The following DMXL1 variants were observed in gnomAD, a reference collection of about 807,000 sequenced individuals.
The protein encoded by DMXL1 is Dmx like 1, also known as dmX-like protein 1.
In DMXL1, 99 loss-of-function variants were observed where a neutral mutation model predicts 319.2. The ratio of observed to expected loss-of-function variants is 0.31; its 90% CI spans 0.26 to 0.37. The LOEUF (loss-of-function observed/expected upper bound fraction) is 0.37, where lower values mean the gene tolerates loss of function less well. DMXL1 is among the 10% of genes least tolerant of loss of function. The pLI is 1.00. For missense variants in DMXL1, 3,745 were observed against 3,595.6 expected (o/e 1.04, Z -1.06); for synonymous variants, 1,385 against 1,235.2 (o/e 1.12, Z -2.54).
Position 119,150,088 on chromosome 5 carries a change from T to G in DMXL1, c.4261T>G (p.Ser1421Ala), listed in dbSNP as rs375701163. The G allele has an allele frequency of 6.4e-5, 103 of 1,612,820 alleles. No individual in the cohort carries two copies. The highest frequency in any genetic ancestry group is 8.1e-5 in the Non-Finnish European group (96 of 1,179,350). Residue 1421 changes from serine to alanine, a missense_variant, in exon 18 of 44, where the codon TCA (serine) becomes GCA (alanine). Around this residue, in one of 4 missense-constraint regions of DMXL1, gnomAD observed 2,096 missense variants for 1,985.4 expected, o/e 1.06. Coordinates refer to ENST00000539542, the MANE Select transcript of DMXL1 (RefSeq NM_001290321.3). ...TGCAGCAGATGATGATAGCTGTTAC[T>G]CATCTTTGGAGAAATCTAGTAATGA... is the stretch of plus-strand genomic sequence containing the variant. ...LLAADDDSCY[S>A]SLEKSSNEST...
At chr5:119,164,465 T>A (rs1236495796) in intron 19 of DMXL1, 42 bp from the exon 20 acceptor site, 2 of 1,537,272 alleles carry the variant, frequency 1.3e-6, no homozygotes, top group Non-Finnish European at 1.8e-6. Context: ...CATATAAGCA[T>A]ATTTATAATT....
chr5:119,092,730 T>G (rs529888915), intron 1 of DMXL1, among the ~76,000 whole-genome samples: 2 of 152,334 alleles, frequency 1.3e-5, no homozygotes, highest in African/African-American at 4.8e-5. Flanking sequence ...ACCAACTGCC[T>G]TACTGACTCT....
At chr5:119,146,094 T>G (rs957209513) in intron 15 of DMXL1, among the ~76,000 whole-genome samples, 2 of 151,906 alleles carry the variant, frequency 1.3e-5, no homozygotes, top group Non-Finnish European at 3.0e-5. Context: ...TTAATTTTTT[T>G]GCTATGCAAA....
intron 19 of DMXL1, among the ~76,000 whole-genome samples, chr5:119,156,364 A>G (rs975193314): frequency 1.8e-4 from 27 of 152,250 alleles, no homozygotes; most frequent in African/African-American, 6.5e-4. Flanking sequence ...CATAGCTTGT[A>G]TATGCACTGG....
intron 7 of DMXL1, among the ~76,000 whole-genome samples, chr5:119,116,762 G>C (rs2149895098): frequency 6.6e-6 from 1 of 152,202 alleles, no homozygotes; most frequent in South Asian, 2.1e-4. Context: ...GATATATCAT[G>C]AGTTCTTGTA....
Position 119,249,004 on chromosome 5 carries a change from G to C in DMXL1, c.*1785G>C, listed in dbSNP as rs751384512. Reference sequence around the variant, plus strand: ...ACTATTATGCTTATTAGAACAAAAGGTGTTTAAGGATGAACTAAATATTTT... The same window carrying C: ...ACTATTATGCTTATTAGAACAAAAGCTGTTTAAGGATGAACTAAATATTTT... On this transcript the variant is annotated 3_prime_UTR_variant, in exon 44 of 44. Coordinates refer to ENST00000539542, the MANE Select transcript of DMXL1 (RefSeq NM_001290321.3). 1.3e-5 allele frequency: 2 copies of C among 152,474 alleles called. No homozygotes were observed. The highest frequency in any genetic ancestry group is 2.4e-5 in the African/African-American group (1 of 41,430). 9.4% of individuals were successfully genotyped at this position (152,474 alleles called of 1,614,324 possible). A position where few individuals can be genotyped will look rare whatever the true frequency, so the allele number is the denominator to read the frequency against.
chr5:119,172,097 T>C (rs556959820), intron 25 of DMXL1, 128 bp downstream of exon 25: 1 of 793,908 alleles, frequency 1.3e-6, no homozygotes, highest in East Asian at 2.9e-5. Context: ...CATTGCCAAG[T>C]TTATGTTGAT....
chr5:119,081,753 T>G (rs894328456), intron 1 of DMXL1: 31 of 981,916 alleles, frequency 3.2e-5, no homozygotes, highest in Non-Finnish European at 3.4e-5. Context: ...AGACTGTGCA[T>G]GGAGAATTTT....
rs960476648 is a variant in DMXL1 at position 119,206,897 on chromosome 5, G to A, written c.7926+1G>A. 2.8e-5 allele frequency: 42 copies of A among 1,507,534 alleles called. No homozygotes were observed. The highest frequency in any genetic ancestry group is 3.6e-5 in the Non-Finnish European group (41 of 1,124,708). The allele number at this position is 1,507,534 out of a possible 1,614,324, so 93.4% of individuals were successfully genotyped here. A position where few individuals can be genotyped will look rare whatever the true frequency, so the allele number is the denominator to read the frequency against. ...GATGGAGGAGCCAAACATCAATAAGGTACAAAATATCATTCAACTGAAATT... is the reference window on the plus strand; with the variant it reads ...GATGGAGGAGCCAAACATCAATAAGATACAAAATATCATTCAACTGAAATT... On this transcript the variant is annotated splice_donor_variant, in intron 34 of 43. Transcript: ENST00000539542. LOFTEE classifies it high-confidence loss of function.
intron 38 of DMXL1, among the ~76,000 whole-genome samples, chr5:119,225,760 T>A (rs1399719070): frequency 2.6e-5 from 4 of 152,102 alleles, no homozygotes; most frequent in African/African-American, 4.8e-5. Context: ...GCTAGAGGTA[T>A]AACATAATAT....
At chr5:119,115,825 A>C (rs1368104822) in intron 6 of DMXL1, among the ~76,000 whole-genome samples, 1 of 152,004 alleles carries the variant, frequency 6.6e-6, no homozygotes. Context: ...AGTGGTGTTG[A>C]TTACTTATTT....
At chr5:119,084,946 G>T (rs1342073336) in intron 1 of DMXL1, among the ~76,000 whole-genome samples, 4 of 151,828 alleles carry the variant, frequency 2.6e-5, no homozygotes, top group Admixed American at 6.6e-5. Context: ...CATGAGCATG[G>T]AATATCTTTC....
At chr5:119,107,996 C>T (rs1402827205) in intron 4 of DMXL1, among the ~76,000 whole-genome samples, 3 of 152,138 alleles carry the variant, frequency 2.0e-5, no homozygotes, top group Non-Finnish European at 4.4e-5. Flanking sequence ...GCTAATTAAG[C>T]ATCTTACTTG....
At chr5:119,231,800 T>G (rs1786783840) in intron 38 of DMXL1, among the ~76,000 whole-genome samples, 1 of 152,094 alleles carries the variant, frequency 6.6e-6, no homozygotes, top group Non-Finnish European at 1.5e-5. Flanking sequence ...TAGAAGTTAG[T>G]TGGGGGTTTC....
intron 28 of DMXL1, among the ~76,000 whole-genome samples, chr5:119,187,990 G>A (rs1265806289): frequency 2.6e-5 from 4 of 152,076 alleles, no homozygotes; most frequent in African/African-American, 9.7e-5. Flanking sequence ...TATACTTCCT[G>A]GTGTTGAGTC....
chr5:119,226,953 G>A (rs991250525), intron 38 of DMXL1, among the ~76,000 whole-genome samples: 3 of 152,186 alleles, frequency 2.0e-5, no homozygotes, highest in Non-Finnish European at 4.4e-5. Context: ...GCACATGGAT[G>A]TGTTCACCAG....
Position 119,150,074 on chromosome 5 carries a change from A to T in DMXL1, c.4247A>T (p.Asp1416Val). ...LPLYALLAAD[D>V]DSCYSSLEKS... is the part of the protein sequence containing the mutation. The stretch of plus-strand genomic sequence containing the variant: ...TTATATGCCTTACTTGCAGCAGATG[A>T]TGATAGCTGTTACTCATCTTTGGAG... The change falls in exon 18 of 44, where the codon GAT becomes GTT. Residue 1416 changes from aspartate to valine, a missense_variant. Physicochemically the swap from Asp to Val is radical, Grantham distance 152. Coordinates refer to ENST00000539542, the MANE Select transcript of DMXL1 (RefSeq NM_001290321.3). 6.2e-7 allele frequency: 1 copy of T among 1,613,896 alleles called. No homozygotes were observed. The highest frequency in any genetic ancestry group is 8.5e-7 in the Non-Finnish European group (1 of 1,179,900).
At chr5:119,096,280 G>T (rs1016635767) in intron 1 of DMXL1, among the ~76,000 whole-genome samples, 1 of 151,510 alleles carries the variant, frequency 6.6e-6, no homozygotes, top group African/African-American at 2.4e-5. Context: ...GGGTTCAAGC[G>T]ATTCTCCTGC....
chr5:119,083,087 T>C (rs1032843300), intron 1 of DMXL1, among the ~76,000 whole-genome samples: 1 of 152,222 alleles, frequency 6.6e-6, no homozygotes, highest in African/African-American at 2.4e-5. Context: ...CTTGGCTCAC[T>C]GCAACCTCTG....
Sources: allele counts gnomAD v4.1 joint callset (sites outside exome capture counted in the v4.1 genomes callset), GRCh38; gene constraint gnomAD v4.1.1; regional missense constraint gnomAD v4.1.1; transcripts MANE v1.5; gene names NCBI Gene and HGNC (gene_info 2026-07-23, HGNC 2026-07-21).